The following MEGF10 variants were observed in gnomAD, a reference collection of about 807,000 sequenced individuals.
MEGF10 encodes multiple epidermal growth factor-like domains protein 10.
A neutral mutation model predicts 147.5 loss-of-function variants in MEGF10; 86 were observed. That is an observed-to-expected ratio of 0.58 (90% CI 0.49 to 0.70). The LOEUF (loss-of-function observed/expected upper bound fraction) is 0.70. MEGF10 is among the 30% of genes least tolerant of loss of function. The pLI is 0.00. For synonymous variants in MEGF10, 478 were observed against 525.5 expected, an observed-to-expected ratio of 0.91 and a Z score of 1.24; for missense variants, 1,329 against 1,487.3, an observed-to-expected ratio of 0.89 and a Z score of 1.75.
At chr5:127,324,848 T>A (rs1360168440) in intron 1 of MEGF10, among the ~76,000 whole-genome samples, 1 of 152,228 alleles carries the variant, frequency 6.6e-6, no homozygotes, top group Non-Finnish European at 1.5e-5. Flanking sequence ...TAAAACCTTC[T>A]GCTCTCCACC....
intron 1 of MEGF10, among the ~76,000 whole-genome samples, chr5:127,330,576 G>A (rs1761214641): frequency 6.6e-6 from 1 of 151,878 alleles, no homozygotes. Flanking sequence ...CTCTAACATC[G>A]ACCTGCAAAC....
intron 1 of MEGF10, among the ~76,000 whole-genome samples, chr5:127,309,484 T>A (rs112363291): frequency 0.02 from 3,035 of 152,328 alleles, 40 homozygotes; most frequent in South Asian, 0.034. Context: ...ACCATTCTAC[T>A]TTCTGTCTTT....
At chr5:127,266,480 C>T in the MEGF10 span, among the ~76,000 whole-genome samples, 8 of 151,992 alleles carry the variant, frequency 5.3e-5, no homozygotes, top group Non-Finnish European at 7.4e-5. Flanking sequence ...AGCTTGATGG[C>T]GATGGCGTTG....
chr5:127,401,775 AT>A (rs2126933071), intron 7 of MEGF10, among the ~76,000 whole-genome samples: 1 of 152,328 alleles, frequency 6.6e-6, no homozygotes. Flanking sequence ...ACAGTATCTT[AT>A]TCCTATCCAC....
intron 8 of MEGF10, among the ~76,000 whole-genome samples, chr5:127,408,340 T>C (rs1764414051): frequency 6.6e-6 from 1 of 152,246 alleles, no homozygotes. Context: ...CTTTACCTTT[T>C]TCCTTTTGGA....
intron 1 of MEGF10, among the ~76,000 whole-genome samples, chr5:127,311,076 T>C (rs901022834): frequency 6.6e-6 from 1 of 152,218 alleles, no homozygotes; most frequent in Non-Finnish European, 1.5e-5. Context: ...TTCATTCCCT[T>C]TTAGAAAACA....
Position 127,331,369 on chromosome 5 carries a change from G to T in MEGF10, c.61G>T (p.Gly21Trp), listed in dbSNP as rs1446141995. ...FICLLLCHWI[G>W]TASPLNLEDP... ...TTGTTTATTGTTATGCCACTGGATT[G>T]GGACAGCATCACCTCTGAATCTTGA... Residue 21 changes from glycine to tryptophan, a missense_variant, in exon 2 of 25, where the codon GGG becomes TGG. Coordinates refer to ENST00000503335, the MANE Select transcript of MEGF10 (RefSeq NM_001256545.2). 6.2e-7 allele frequency: 1 copy of T among 1,613,248 alleles called. No individual in the cohort carries two copies. Among genetic ancestry groups the T allele is most frequent in the Non-Finnish European group, 8.5e-7 (1 of 1,179,478 alleles).
chr5:127,330,964 G>A (rs897511255), intron 1 of MEGF10, among the ~76,000 whole-genome samples: 1 of 152,202 alleles, frequency 6.6e-6, no homozygotes, highest in African/African-American at 2.4e-5. Context: ...CCAGGTGAGA[G>A]AATGTGGAGG....
At chr5:127,253,778 A>G in the MEGF10 span, among the ~76,000 whole-genome samples, 2 of 152,012 alleles carry the variant, frequency 1.3e-5, no homozygotes, top group African/African-American at 4.8e-5. Context: ...AAAATGATAA[A>G]CTTTTTTTGA....
chr5:127,388,387 A>T (rs191932850), intron 5 of MEGF10, among the ~76,000 whole-genome samples: 2 of 152,098 alleles, frequency 1.3e-5, no homozygotes, highest in Admixed American at 1.3e-4. Context: ...GAGCTCAAGC[A>T]ATCCACCCAC....
intron 16 of MEGF10, among the ~76,000 whole-genome samples, chr5:127,437,069 G>T (rs1261120994): frequency 2.0e-5 from 3 of 152,138 alleles, no homozygotes; most frequent in African/African-American, 7.2e-5. Context: ...ATGGCAGTGG[G>T]TTACCTCAGA....
At chr5:127,280,830 A>G in the MEGF10 span, among the ~76,000 whole-genome samples, 2 of 152,202 alleles carry the variant, frequency 1.3e-5, no homozygotes, top group Non-Finnish European at 2.9e-5. Flanking sequence ...TGCTTATGAG[A>G]CTTGCTGAGA....
Position 127,430,655 on chromosome 5 carries a change from G to T in MEGF10, c.1694-2708G>T, listed in dbSNP as rs114801288. Among the ~76,000 whole-genome samples, 139 of 152,274 alleles carry T rather than the reference G, an allele frequency of 9.1e-4. 1 individual carries two copies. Among genetic ancestry groups the T allele is most frequent in the African/African-American group, 3.2e-3 (134 of 41,552 alleles). On this transcript the variant is annotated intron_variant, in intron 13 of 24. Transcript: ENST00000503335. ...TCTTGTCCTTTTCTGACTGTAAGAT[G>T]AAGGGAAAAATAACTAGGAGGGCAC...
intron 1 of MEGF10, among the ~76,000 whole-genome samples, chr5:127,295,972 C>T (rs577253088): frequency 1.3e-5 from 2 of 152,170 alleles, no homozygotes; most frequent in Non-Finnish European, 1.5e-5. Flanking sequence ...AACTGCTCTC[C>T]TAATCTCTTT....
chr5:127,396,410 A>G, intron 5 of MEGF10, 122 bp from the exon 6 acceptor site: 3 of 1,153,722 alleles, frequency 2.6e-6, no homozygotes, highest in Non-Finnish European at 3.6e-6. Context: ...GGTTGGGGCC[A>G]GGGCCCTGAT....
Position 127,396,736 on chromosome 5 carries a change from T to C in MEGF10, c.617T>C (p.Val206Ala). Reference sequence around the variant, plus strand: ...CAGAATGGAGCCACCTGCGACCACGTCACGGGGGAATGCCGCTGCCCACCA... The same window carrying C: ...CAGAATGGAGCCACCTGCGACCACGCCACGGGGGAATGCCGCTGCCCACCA... ...QCQNGATCDHVTGECRCPPGY... is the reference protein window; with the variant it reads ...QCQNGATCDHATGECRCPPGY... Residue 206 changes from valine to alanine, a missense_variant, in exon 6 of 25, where the codon GTC becomes GCC. Val to Ala is a moderately conservative substitution (Grantham distance 64, BLOSUM62 0). Coordinates refer to ENST00000503335, the MANE Select transcript of MEGF10 (RefSeq NM_001256545.2). 1 of 1,614,000 alleles carries C rather than the reference T, an allele frequency of 6.2e-7. No homozygotes were observed. The highest frequency in any genetic ancestry group is 8.5e-7 in the Non-Finnish European group (1 of 1,180,008).
At chr5:127,354,269 C>T (rs1762196307) in intron 4 of MEGF10, among the ~76,000 whole-genome samples, 1 of 152,196 alleles carries the variant, frequency 6.6e-6, no homozygotes, top group Admixed American at 6.5e-5. Flanking sequence ...ACCTGCAGTT[C>T]ACTAACCCAG....
intron 1 of MEGF10, among the ~76,000 whole-genome samples, chr5:127,293,878 C>T (rs985531064): frequency 3.3e-5 from 5 of 152,222 alleles, no homozygotes; most frequent in Admixed American, 1.3e-4. Context: ...CATAAAGTCT[C>T]ACCTCCTTAC....
chr5:127,426,722 A>G lies in MEGF10; in HGVS notation c.1693+3950A>G, dbSNP rs552767470. ...CCAGAGTAGTGGAGTGATATACTTT[A>G]TAAAAGCATTTTCCCAAAATTACAG... is the stretch of plus-strand genomic sequence containing the variant. On this transcript the variant is annotated intron_variant, in intron 13 of 24. Transcript: ENST00000503335. Among the ~76,000 whole-genome samples the G allele has an allele frequency of 2.0e-5, 3 of 152,230 alleles. No homozygotes were observed. The South Asian group carries it at 6.2e-4, about 31-fold the overall frequency.
Sources: gnomAD v4.1 joint callset for allele counts (sites outside exome capture counted in the v4.1 genomes callset) on GRCh38, gnomAD v4.1.1 for gene constraint, MANE v1.5 for transcripts, NCBI Gene and HGNC (gene_info 2026-07-23, HGNC 2026-07-21) for gene names.